The following PLXNA4 variants were observed in gnomAD, a reference collection of about 807,000 sequenced individuals.
PLXNA4 encodes the protein plexin A4.
A neutral mutation model predicts 191.8 loss-of-function variants in PLXNA4; 44 were observed. That is an observed-to-expected ratio of 0.23 (90% CI 0.18 to 0.29). The LOEUF (loss-of-function observed/expected upper bound fraction) is 0.29. Ranked by LOEUF, PLXNA4 falls within the 10% of genes least tolerant of loss-of-function variation. PLXNA4 has a pLI of 1.00. For synonymous variants in PLXNA4, 1,082 were observed against 1,009.5 expected (o/e 1.07, Z -1.36); for missense variants, 1,800 against 2,488.8 (o/e 0.72, Z 5.89).
At chr7:132,546,181 C>T (rs1467069639) in intron 1 of PLXNA4, among the ~76,000 whole-genome samples, 5 of 152,160 alleles carry the variant, frequency 3.3e-5, no homozygotes, top group Non-Finnish European at 7.3e-5. Context: ...TCACCTACTC[C>T]TAAAACTAAT....
chr7:132,264,727 T>A (rs1373485657), intron 4 of PLXNA4, among the ~76,000 whole-genome samples: 3 of 147,160 alleles, frequency 2.0e-5, no homozygotes, highest in African/African-American at 7.6e-5. Context: ...AGACAGAGTC[T>A]CACTGTGTTG....
Position 132,298,278 on chromosome 7 carries a change from C to A in PLXNA4, c.1372-56G>T. 2.6e-6 allele frequency: 4 copies of A among 1,559,220 alleles called. No individual in the cohort carries two copies. In the South Asian group the frequency reaches 3.7e-5, roughly 14 times the overall value. ...GTTCAGATCCTGCACTGCCCACAGC[C>A]AAACTTCAGCCAAAGACCCTGTCAA... On this transcript the variant is annotated intron_variant, in intron 3 of 31. Coordinates refer to ENST00000321063, the MANE Select transcript of PLXNA4 (RefSeq NM_020911.2).
intron 3 of PLXNA4, among the ~76,000 whole-genome samples, chr7:132,438,794 C>CA (rs1563099086): frequency 6.6e-6 from 1 of 151,172 alleles, no homozygotes; most frequent in Non-Finnish European, 1.5e-5. Flanking sequence ...GGTCTAATAG[C>CA]TTTTTTTTTC....
chr7:132,645,254 C>A (rs922231070), intron 2 of PLXNA4, among the ~76,000 whole-genome samples: 4 of 152,172 alleles, frequency 2.6e-5, no homozygotes, highest in Non-Finnish European at 5.9e-5. Flanking sequence ...TCCTCATAAT[C>A]CTCACATATC....
At chr7:132,609,636 A>T (rs4731883) in intron 2 of PLXNA4, among the ~76,000 whole-genome samples, 1 of 152,222 alleles carries the variant, frequency 6.6e-6, no homozygotes, top group African/African-American at 2.4e-5. Context: ...AATAGATATT[A>T]TTATCCTCAC....
intron 3 of PLXNA4, among the ~76,000 whole-genome samples, chr7:132,309,582 C>A (rs1459723926): frequency 2.0e-5 from 3 of 152,156 alleles, no homozygotes; most frequent in Non-Finnish European, 4.4e-5. Context: ...GCCTGCGAGA[C>A]AATGAGGACT....
intron 2 of PLXNA4, among the ~76,000 whole-genome samples, chr7:132,638,373 C>T (rs969478043): frequency 6.6e-6 from 1 of 152,190 alleles, no homozygotes; most frequent in African/African-American, 2.4e-5. Context: ...ATGCCAGGGC[C>T]GGGCATGGTG....
intron 5 of PLXNA4, among the ~76,000 whole-genome samples, chr7:132,236,850 C>T (rs1562984373): frequency 6.6e-6 from 1 of 152,218 alleles, no homozygotes; most frequent in Non-Finnish European, 1.5e-5. Flanking sequence ...TACTGAACTG[C>T]CAGCCCCCAG....
intron 3 of PLXNA4, among the ~76,000 whole-genome samples, chr7:132,398,360 G>A (rs530990727): frequency 1.1e-4 from 17 of 152,302 alleles, no homozygotes; most frequent in Admixed American, 7.2e-4. Flanking sequence ...TGAGTGTCCC[G>A]CTCTCCTGAA....
At chr7:132,210,920 G>A (rs764217181) in intron 10 of PLXNA4, 23 bp downstream of exon 10, 3 of 1,602,964 alleles carry the variant, frequency 1.9e-6, no homozygotes, top group East Asian at 2.2e-5. Flanking sequence ...TGGTTTGGCA[G>A]TGGGCAGGGT....
At chr7:132,523,002 G>A (rs1256412869) in intron 1 of PLXNA4, among the ~76,000 whole-genome samples, 2 of 152,022 alleles carry the variant, frequency 1.3e-5, no homozygotes, top group Non-Finnish European at 2.9e-5. Context: ...AGCTCTCGGG[G>A]GCCAAGGGCT....
At chr7:132,613,773 A>G (rs550236833) in intron 2 of PLXNA4, among the ~76,000 whole-genome samples, 1 of 152,370 alleles carries the variant, frequency 6.6e-6, no homozygotes, top group East Asian at 1.9e-4. Flanking sequence ...AAGGACCTAC[A>G]GTATAACACA....
intron 14 of PLXNA4, among the ~76,000 whole-genome samples, chr7:132,190,973 A>G (rs1449472330): frequency 1.3e-5 from 2 of 152,370 alleles, no homozygotes; most frequent in African/African-American, 4.8e-5. Flanking sequence ...AGGCCTCTGC[A>G]TTCGCAGACT....
intron 4 of PLXNA4, among the ~76,000 whole-genome samples, chr7:132,293,982 G>A (rs564357247): frequency 1.3e-5 from 2 of 152,296 alleles, no homozygotes; most frequent in African/African-American, 4.8e-5. Context: ...TGCTGTTCTA[G>A]GGGTAACACA....
chr7:132,149,861 C>T (rs1795545723), intron 25 of PLXNA4, among the ~76,000 whole-genome samples: 1 of 152,212 alleles, frequency 6.6e-6, no homozygotes, highest in South Asian at 2.1e-4. Flanking sequence ...TGACCAGCCA[C>T]ATTTGTGGCA....
intron 2 of PLXNA4, among the ~76,000 whole-genome samples, chr7:132,631,984 C>T (rs2116879716): frequency 6.6e-6 from 1 of 152,048 alleles, no homozygotes; most frequent in East Asian, 1.9e-4. Flanking sequence ...CCTGTAATCC[C>T]AGCATTTTGG....
chr7:132,416,002 T>G (rs1018271525), intron 3 of PLXNA4, among the ~76,000 whole-genome samples: 1 of 152,228 alleles, frequency 6.6e-6, no homozygotes, highest in African/African-American at 2.4e-5. Context: ...AAAATTAAAT[T>G]AAATTTAAGT....
chr7:132,300,527 C>G (rs376965857), intron 3 of PLXNA4, among the ~76,000 whole-genome samples: 1 of 152,214 alleles, frequency 6.6e-6, no homozygotes, highest in African/African-American at 2.4e-5. Flanking sequence ...TTTAAGGAGT[C>G]GTGGTTAGTG....
chr7:132,135,874 C>A (rs111601658), intron 30 of PLXNA4, among the ~76,000 whole-genome samples: 7,819 of 152,176 alleles, frequency 0.051, 659 homozygotes, highest in African/African-American at 0.18. Flanking sequence ...GAGGCTGGAT[C>A]AAATCAGGGC....
Sources: gnomAD v4.1 joint callset for allele counts (sites outside exome capture counted in the v4.1 genomes callset) on GRCh38, gnomAD v4.1.1 for gene constraint, MANE v1.5 for transcripts, NCBI Gene and HGNC (gene_info 2026-07-23, HGNC 2026-07-21) for gene names.